Variants in COX6B1 observed in about 807,000 individuals in gnomAD.
The protein encoded by COX6B1 is cytochrome c oxidase subunit 6B1.
A neutral mutation model predicts 14.0 loss-of-function variants in COX6B1; 2 were observed. The ratio of observed to expected loss-of-function variants is 0.14; its 90% CI spans 0.06 to 0.45. The LOEUF is 0.45. Among genes scored for constraint, COX6B1 ranks in the 20% least tolerant of loss-of-function variants. The pLI, the probability that COX6B1 is intolerant of heterozygous loss-of-function variation, is 0.98. For missense variants in COX6B1, 81 were observed against 114.2 expected (o/e 0.71, Z 1.33); for synonymous variants, 30 against 39.7 (o/e 0.76, Z 0.92).
intron 3 of COX6B1, among the ~76,000 whole-genome samples, chr19:35,657,739 C>T (rs942165543): frequency 1.3e-5 from 2 of 150,262 alleles, no homozygotes; most frequent in African/African-American, 2.5e-5. Flanking sequence ...TCACTGCAGC[C>T]TCGAACTCCT....
chr19:35,654,581 C>T lies in COX6B1; in HGVS notation c.117C>T (p.Arg39=). The T allele has an allele frequency of 6.2e-7, 1 of 1,614,102 alleles. No homozygotes were observed. The highest frequency in any genetic ancestry group is 8.5e-7 in the Non-Finnish European group (1 of 1,179,990). The change falls in exon 3 of 4, where the codon CGC becomes CGT. Residue 39 remains arginine, a synonymous_variant. Coordinates refer to ENST00000649813, the MANE Select transcript of COX6B1 (RefSeq NM_001863.5). ...NCWQNYLDFH[R]CQKAMTAKGG... ...CCCCTTTCTTCACAGACTTCCACCG[C>T]TGTCAGAAGGCAATGACCGCTAAAG...
At chr19:35,651,068 ATG>A (rs1967819295) in intron 1 of COX6B1, among the ~76,000 whole-genome samples, 163 bp from the exon 2 acceptor site, 1 of 152,140 alleles carries the variant, frequency 6.6e-6, no homozygotes, top group Non-Finnish European at 1.5e-5. Flanking sequence ...CGACACTCAG[ATG>A]TGTGGATTCG....
intron 3 of COX6B1, among the ~76,000 whole-genome samples, chr19:35,658,371 GTTTTC>G (rs1450555189): frequency 6.6e-6 from 1 of 152,044 alleles, no homozygotes; most frequent in Non-Finnish European, 1.5e-5. Flanking sequence ...TGGGCCTGGG[GTTTTC>G]CTGCCCATTA....
Position 35,651,130 on chromosome 19 carries a change from C to G in COX6B1, c.-11-103C>G. The stretch of plus-strand genomic sequence containing the variant: ...TTGAGAGGCAGGAACTTGTTCACAC[C>G]CAGCCCATTGTTCCGTGCCTGCCCT... On this transcript the variant is annotated intron_variant, in intron 1 of 3. Transcript: ENST00000649813. 5.3e-6 allele frequency: 4 copies of G among 755,712 alleles called. No individual in the cohort carries two copies. In the Admixed American group the frequency reaches 5.6e-5, roughly 11 times the overall value. The allele number at this position is 755,712 out of a possible 1,614,324, so 46.8% of individuals were successfully genotyped here.
Position 35,651,214 on chromosome 19 carries a change from C to A in COX6B1, c.-11-19C>A, listed in dbSNP as rs1444680082. On this transcript the variant is annotated intron_variant, in intron 1 of 3. Transcript: ENST00000649813. ...GGGCCCCTGGGGCCCCTGCTGACAC[C>A]CACTCCTTTCGCCTCCAGGATTCAG... is the stretch of plus-strand genomic sequence containing the variant. 1 of 1,567,642 alleles carries A rather than the reference C, an allele frequency of 6.4e-7. No homozygotes were observed. The highest frequency in any genetic ancestry group is 8.8e-7 in the Non-Finnish European group (1 of 1,138,378).
At chr19:35,657,937 G>A (rs548646872) in intron 3 of COX6B1, among the ~76,000 whole-genome samples, 2 of 152,160 alleles carry the variant, frequency 1.3e-5, no homozygotes, top group African/African-American at 4.8e-5. Flanking sequence ...AATTATAGGC[G>A]TGAGCCACCA....
chr19:35,654,705 G>A, intron 3 of COX6B1, 34 bp downstream of exon 3: 1 of 1,595,212 alleles, frequency 6.3e-7, no homozygotes, highest in Non-Finnish European at 8.6e-7. Flanking sequence ...TTGGGATGCT[G>A]GGGTGGGGTC....
At chr19:35,651,542 T>A (rs894706103) in intron 2 of COX6B1, among the ~76,000 whole-genome samples, 193 bp downstream of exon 2, 37 of 152,134 alleles carry the variant, frequency 2.4e-4, no homozygotes, top group African/African-American at 8.4e-4. Flanking sequence ...ATTTTTTTTT[T>A]AATTTAAATT....
intron 3 of COX6B1, among the ~76,000 whole-genome samples, chr19:35,657,425 C>A (rs1967898806): frequency 6.6e-6 from 1 of 152,056 alleles, no homozygotes; most frequent in Admixed American, 6.6e-5. Flanking sequence ...TTGTCTCGCT[C>A]ACCTGCCACT....
chr19:35,648,980 T>A, intron 1 of COX6B1: 2 of 529,326 alleles, frequency 3.8e-6, no homozygotes, highest in South Asian at 1.4e-5. Context: ...ACCGAAAGAC[T>A]GTTTTAGTGC....
chr19:35,657,895 G>A (rs1380253013), intron 3 of COX6B1, among the ~76,000 whole-genome samples: 5 of 151,950 alleles, frequency 3.3e-5, no homozygotes, highest in Non-Finnish European at 5.9e-5. Context: ...GGGCTCAAGC[G>A]ATCCTCCCAC....
chr19:35,649,015 G>A (rs1326247151), intron 1 of COX6B1: 5 of 493,166 alleles, frequency 1.0e-5, no homozygotes, highest in Non-Finnish European at 2.1e-5. Flanking sequence ...ACCACCTTGC[G>A]TCGCTTGAAT....
intron 3 of COX6B1, among the ~76,000 whole-genome samples, chr19:35,654,882 C>T (rs1035220477): frequency 6.6e-5 from 10 of 152,162 alleles, no homozygotes; most frequent in South Asian, 2.1e-4. Context: ...TCAGCTGAGG[C>T]GACCAGGGTG....
At chr19:35,654,816 G>A (rs1226007803) in intron 3 of COX6B1, 145 bp downstream of exon 3, 10 of 694,398 alleles carry the variant, frequency 1.4e-5, no homozygotes, top group East Asian at 5.5e-5. Context: ...CTTTCCTCCC[G>A]CCTAGAATTA....
At chr19:35,653,789 C>T (rs1967857336) in intron 2 of COX6B1, among the ~76,000 whole-genome samples, 1 of 152,012 alleles carries the variant, frequency 6.6e-6, no homozygotes, top group South Asian at 2.1e-4. Context: ...ACCGTGGTCT[C>T]TATCTCCTGA....
In COX6B1 at chr19:35,658,727, A is replaced by T; in HGVS notation, c.*80A>T. 7.9e-7 allele frequency: 1 copy of T among 1,269,754 alleles called. No homozygotes were observed. The highest frequency in any genetic ancestry group is 1.2e-6 in the Non-Finnish European group (1 of 868,012). The allele number at this position is 1,269,754 out of a possible 1,614,324, so 78.7% of individuals were successfully genotyped here. On this transcript the variant is annotated 3_prime_UTR_variant, in exon 4 of 4. Coordinates refer to ENST00000649813, the MANE Select transcript of COX6B1 (RefSeq NM_001863.5). ...GGGGACCTGGTACCCAGTGATCCCC[A>T]CCCCAGGATCCTAAATCATGACTTA...
intron 3 of COX6B1, among the ~76,000 whole-genome samples, chr19:35,656,132 A>G (rs1967886784): frequency 6.6e-6 from 1 of 152,088 alleles, no homozygotes; most frequent in Non-Finnish European, 1.5e-5. Flanking sequence ...ACCCAGCTGA[A>G]TCTTTCAAAA....
chr19:35,652,242 G>A (rs1231700397), intron 2 of COX6B1, among the ~76,000 whole-genome samples: 2 of 151,226 alleles, frequency 1.3e-5, no homozygotes, highest in African/African-American at 4.9e-5. Context: ...TGTTGGTCAG[G>A]CTGGTCTCAA....
chr19:35,649,191 C>T (rs1967796535), intron 1 of COX6B1, among the ~76,000 whole-genome samples: 1 of 152,068 alleles, frequency 6.6e-6, no homozygotes, highest in South Asian at 2.1e-4. Context: ...TCAAGGAATG[C>T]TAGTACTTGA....
Sources: gnomAD v4.1 joint callset for allele counts (sites outside exome capture counted in the v4.1 genomes callset) on GRCh38, gnomAD v4.1.1 for gene constraint, MANE v1.5 for transcripts, NCBI Gene and HGNC (gene_info 2026-07-23, HGNC 2026-07-21) for gene names.